The following ROBO1 variants were observed in gnomAD, a reference collection of about 807,000 sequenced individuals.
ROBO1 encodes roundabout homolog 1.
ROBO1 carries 149 observed loss-of-function variants against 195.9 expected under a neutral mutation model. The observed-to-expected ratio is 0.76, with a 90% CI of 0.67 to 0.87. The LOEUF (loss-of-function observed/expected upper bound fraction) is 0.87. Among genes scored for constraint, ROBO1 ranks in the 40% least tolerant of loss-of-function variants. The probability of loss-of-function intolerance (pLI) is 0.00; values close to 1 mark genes in which losing one functional copy is unlikely to be tolerated. For missense variants in ROBO1, 1,933 were observed against 2,068.3 expected, an observed-to-expected ratio of 0.93 and a Z score of 1.27; for synonymous variants, 816 against 733.2, an observed-to-expected ratio of 1.11 and a Z score of -1.82.
chr3:78,628,270 A>C (rs1704945007), intron 25 of ROBO1, among the ~76,000 whole-genome samples: 1 of 152,184 alleles, frequency 6.6e-6, no homozygotes, highest in Admixed American at 6.5e-5. Context: ...AATTACTCTT[A>C]ACAATCTTTG....
intron 2 of ROBO1, among the ~76,000 whole-genome samples, chr3:79,223,717 A>C (rs907197131): frequency 1.3e-5 from 2 of 152,196 alleles, no homozygotes; most frequent in African/African-American, 2.4e-5. Flanking sequence ...GAAATGTGAA[A>C]TTAGTGATGA....
chr3:79,282,921 C>T (rs554765276), intron 2 of ROBO1, among the ~76,000 whole-genome samples: 1 of 152,222 alleles, frequency 6.6e-6, no homozygotes, highest in African/African-American at 2.4e-5. Flanking sequence ...ATATACCATA[C>T]ACATCTAACA....
chr3:79,016,477 T>G (rs2077936855), intron 3 of ROBO1, among the ~76,000 whole-genome samples: 2 of 152,216 alleles, frequency 1.3e-5, no homozygotes, highest in African/African-American at 4.8e-5. Flanking sequence ...GAAATCAGTG[T>G]AGCTCTAACA....
chr3:79,278,240 CAT>C (rs2031215051), intron 2 of ROBO1, among the ~76,000 whole-genome samples: 1 of 152,030 alleles, frequency 6.6e-6, no homozygotes, highest in South Asian at 2.1e-4. Flanking sequence ...CCATACTACC[CAT>C]ATGAATCTAC....
At chr3:78,816,558 T>C (rs2029937356) in intron 4 of ROBO1, among the ~76,000 whole-genome samples, 1 of 152,268 alleles carries the variant, frequency 6.6e-6, no homozygotes, top group South Asian at 2.1e-4. Flanking sequence ...GCAAAGTAAA[T>C]AGAAAACGTT....
At chr3:78,798,428 T>C (rs2084251561) in intron 4 of ROBO1, among the ~76,000 whole-genome samples, 1 of 152,208 alleles carries the variant, frequency 6.6e-6, no homozygotes, top group South Asian at 2.1e-4. Context: ...TGATTCATAC[T>C]TTATTTACTC....
At chr3:78,899,737 T>G (rs1408346863) in intron 4 of ROBO1, among the ~76,000 whole-genome samples, 3 of 152,146 alleles carry the variant, frequency 2.0e-5, no homozygotes, top group Non-Finnish European at 4.4e-5. Flanking sequence ...TAATCACTAT[T>G]TCTCTCATTT....
intron 2 of ROBO1, among the ~76,000 whole-genome samples, chr3:79,398,072 A>T (rs1444531218): frequency 6.6e-6 from 1 of 152,154 alleles, no homozygotes; most frequent in Non-Finnish European, 1.5e-5. Flanking sequence ...GCCACCTAAT[A>T]GTGCTAAAAC....
At chr3:79,152,331 A>G (rs1277491037) in intron 2 of ROBO1, among the ~76,000 whole-genome samples, 10 of 151,806 alleles carry the variant, frequency 6.6e-5, no homozygotes, top group Admixed American at 6.6e-4. Flanking sequence ...CATATCAGGA[A>G]ATTGAGTGAA....
chr3:79,554,600 T>C (rs1942634462), intron 2 of ROBO1, among the ~76,000 whole-genome samples: 1 of 152,052 alleles, frequency 6.6e-6, no homozygotes, highest in Non-Finnish European at 1.5e-5. Context: ...ACTTGGAATG[T>C]GCTGTAAGAG....
chr3:79,203,103 T>C (rs964237705), intron 2 of ROBO1, among the ~76,000 whole-genome samples: 1 of 152,124 alleles, frequency 6.6e-6, no homozygotes, highest in East Asian at 1.9e-4. Flanking sequence ...GGATAAAATA[T>C]CCTGTGACAG....
At chr3:79,230,258 C>G (rs1468350164) in intron 2 of ROBO1, among the ~76,000 whole-genome samples, 1 of 152,156 alleles carries the variant, frequency 6.6e-6, no homozygotes, top group Non-Finnish European at 1.5e-5. Context: ...CTTTCTTTTA[C>G]TGAATTCTTA....
At chr3:79,187,353 C>T (rs1334839305) in intron 2 of ROBO1, among the ~76,000 whole-genome samples, 2 of 151,982 alleles carry the variant, frequency 1.3e-5, no homozygotes, top group East Asian at 3.9e-4. Context: ...CATCATCTCT[C>T]TCTACTGTGA....
intron 27 of ROBO1, 129 bp downstream of exon 27, chr3:78,617,506 T>TA (rs373038212): frequency 0.28 from 198,063 of 712,516 alleles, 5,408 homozygotes; most frequent in Middle Eastern, 0.31. Flanking sequence ...CTTAGGCAGC[T>TA]AAAAAAAAAA....
intron 2 of ROBO1, among the ~76,000 whole-genome samples, chr3:79,142,383 G>A (rs1262020673): frequency 2.0e-5 from 3 of 152,094 alleles, no homozygotes; most frequent in African/African-American, 7.2e-5. Context: ...TCCTTCTTCT[G>A]GGAGTCAAGT....
intron 22 of ROBO1, 62 bp downstream of exon 22, chr3:78,639,682 A>G: frequency 6.8e-7 from 1 of 1,463,152 alleles, no homozygotes; most frequent in Non-Finnish European, 9.3e-7. Context: ...AGGGAAAGAA[A>G]AGATCTTCTG....
At chr3:79,577,621 AT>A (rs1359619230) in intron 2 of ROBO1, among the ~76,000 whole-genome samples, 1 of 152,074 alleles carries the variant, frequency 6.6e-6, no homozygotes, top group African/African-American at 2.4e-5. Context: ...CATACCTGTA[AT>A]CCCAGCACTA....
intron 4 of ROBO1, chr3:78,938,249 C>T (rs1292401617): frequency 4.2e-6 from 1 of 240,412 alleles, no homozygotes; most frequent in Non-Finnish European, 8.2e-6. Flanking sequence ...ATTCTCTTGC[C>T]TCAGTGTCTC....
chr3:79,053,413 T>C (rs1405666578), intron 3 of ROBO1, among the ~76,000 whole-genome samples: 3 of 152,074 alleles, frequency 2.0e-5, no homozygotes, highest in Admixed American at 6.6e-5. Flanking sequence ...CCCATGGCCC[T>C]GACTCAGACA....
Sources: allele counts gnomAD v4.1 joint callset (sites outside exome capture counted in the v4.1 genomes callset), GRCh38; gene constraint gnomAD v4.1.1; transcripts MANE v1.5; gene names NCBI Gene and HGNC (gene_info 2026-07-23, HGNC 2026-07-21).